The following WNK1 variants were observed in gnomAD, a reference collection of about 807,000 sequenced individuals.
WNK1 encodes WNK lysine deficient protein kinase 1, also known as serine/threonine-protein kinase WNK1.
A neutral mutation model predicts 222.8 loss-of-function variants in WNK1; 38 were observed. The observed-to-expected ratio is 0.17, with a 90% CI of 0.13 to 0.22. The LOEUF (loss-of-function observed/expected upper bound fraction) is 0.22, where lower values mean the gene tolerates loss of function less well. WNK1 is among the 10% of genes least tolerant of loss of function. The pLI, the probability that WNK1 is intolerant of heterozygous loss-of-function variation, is 1.00. For missense variants in WNK1, 2,348 were observed against 2,918.4 expected, an observed-to-expected ratio of 0.80 and a Z score of 4.50; for synonymous variants, 1,090 against 1,092.9, an observed-to-expected ratio of 1.00 and a Z score of 0.05.
chr12:891,890 T>C (rs955315028), intron 22 of WNK1, among the ~76,000 whole-genome samples: 5 of 151,804 alleles, frequency 3.3e-5, no homozygotes, highest in African/African-American at 7.2e-5. Flanking sequence ...GTTTTGCCAC[T>C]GCACTCCATC....
At chr12:792,308 C>CTTTT (rs35838951) in intron 1 of WNK1, among the ~76,000 whole-genome samples, 9 of 89,076 alleles carry the variant, frequency 1.0e-4, no homozygotes, top group African/African-American at 1.6e-4. Context: ...TACTGTTATT[C>CTTTT]TTTTTTTTTT....
chr12:835,492 G>T (rs1028611348), intron 4 of WNK1, among the ~76,000 whole-genome samples: 2 of 152,142 alleles, frequency 1.3e-5, no homozygotes, highest in Admixed American at 1.3e-4. Flanking sequence ...AATTTTACTT[G>T]GTGTATTTTC....
Position 762,475 on chromosome 12 carries a change from G to T in WNK1, c.759+8151G>T, listed in dbSNP as rs76549252. Among the ~76,000 whole-genome samples, 132 of 147,584 alleles carry T rather than the reference G, an allele frequency of 8.9e-4. 7 individuals are homozygous for T. The East Asian group carries it at 0.022, about 25-fold the overall frequency. ...TTTTTTATTATTGTGTTTTGTTATT[G>T]TTTTTTCCCCCAATATTTTCATCTG... On this transcript the variant is annotated intron_variant, in intron 1 of 27. Coordinates refer to ENST00000315939, the MANE Select transcript of WNK1 (RefSeq NM_018979.4).
chr12:880,131 A>G lies in WNK1; in HGVS notation c.2832+100A>G. 6 of 1,166,662 alleles carry G rather than the reference A, an allele frequency of 5.1e-6. No individual in the cohort carries two copies. In the South Asian group the frequency reaches 7.8e-5, roughly 15 times the overall value. 72.3% of individuals were successfully genotyped at this position (1,166,662 alleles called of 1,614,324 possible). ...TAGTTGAGTGTCAGAATAACTAGCA[A>G]TAACATGTCAACTAGAGAAGCAAAA... On this transcript the variant is annotated intron_variant, in intron 11 of 27. Coordinates refer to ENST00000315939, the MANE Select transcript of WNK1 (RefSeq NM_018979.4).
In WNK1 at chr12:885,486, T is replaced by C. The variant is rs1421699446; in HGVS notation, c.4682T>C (p.Ile1561Thr). The C allele has an allele frequency of 6.2e-7, 1 of 1,613,954 alleles. No homozygotes were observed. The highest frequency in any genetic ancestry group is 8.5e-7 in the Non-Finnish European group (1 of 1,180,034). The change falls in exon 19 of 28, where the codon ATT (isoleucine) becomes ACT (threonine). Residue 1561 changes from isoleucine (I) to threonine (T), a missense_variant. Physicochemically the swap from Ile to Thr is moderately conservative, Grantham distance 89 (BLOSUM62 -1). This residue lies in a region of WNK1 where 1,144 missense variants were observed against 1,273.6 expected (regional missense o/e 0.90). Transcript: ENST00000315939. ...CCTGGAGCAGGAGTGTCTAGTTATATTTCTCAGCCTGGTGGGCTGCATCCT... is the reference window on the plus strand; with the variant it reads ...CCTGGAGCAGGAGTGTCTAGTTATACTTCTCAGCCTGGTGGGCTGCATCCT... ...SSPGAGVSSYISQPGGLHPLV... is the reference protein window; with the variant it reads ...SSPGAGVSSYTSQPGGLHPLV...
At chr12:823,100 G>A (rs939416298) in intron 2 of WNK1, among the ~76,000 whole-genome samples, 3 of 152,032 alleles carry the variant, frequency 2.0e-5, no homozygotes, top group Non-Finnish European at 4.4e-5. Flanking sequence ...CTTTAAATAT[G>A]TCATCCCACT....
chr12:854,924 A>G (rs1249815686), intron 4 of WNK1, among the ~76,000 whole-genome samples: 1 of 152,212 alleles, frequency 6.6e-6, no homozygotes, highest in Non-Finnish European at 1.5e-5. Context: ...GATAATAATG[A>G]CAGGGAAAAG....
At chr12:908,079 G>T (rs1490937387) in intron 27 of WNK1, 45 bp downstream of exon 27, 2 of 1,605,710 alleles carry the variant, frequency 1.2e-6, no homozygotes, top group Non-Finnish European at 1.7e-6. Context: ...ACACATCTGA[G>T]TCAAGGTGAT....
chr12:801,151 G>A (rs978731568), intron 1 of WNK1, among the ~76,000 whole-genome samples: 1 of 152,138 alleles, frequency 6.6e-6, no homozygotes, highest in Non-Finnish European at 1.5e-5. Flanking sequence ...CTTGAGTTAT[G>A]TTAATGGAAT....
At chr12:892,035 C>CTT (rs34947524) in intron 22 of WNK1, among the ~76,000 whole-genome samples, 1 of 135,954 alleles carries the variant, frequency 7.4e-6, no homozygotes, top group African/African-American at 2.7e-5. Flanking sequence ...TTATAACTAA[C>CTT]TTTTTTTTTT....
At chr12:868,283 G>C (rs1209154019) in intron 8 of WNK1, 1 of 1,605,024 alleles carries the variant, frequency 6.2e-7, no homozygotes, top group South Asian at 1.1e-5. Flanking sequence ...AGTGTATGTA[G>C]CTGGGGTACA....
chr12:843,853 A>G (rs1949812628), intron 4 of WNK1, among the ~76,000 whole-genome samples: 1 of 152,198 alleles, frequency 6.6e-6, no homozygotes, highest in Non-Finnish European at 1.5e-5. Context: ...GGTGATTCAT[A>G]TGTACATTAA....
chr12:876,235 C>T (rs917936207), intron 9 of WNK1, among the ~76,000 whole-genome samples: 1 of 152,036 alleles, frequency 6.6e-6, no homozygotes, highest in African/African-American at 2.4e-5. Context: ...TGGTGAAAAC[C>T]CGTCTCTACT....
chr12:893,823 A>AAATTAAT (rs1954496966), intron 22 of WNK1, among the ~76,000 whole-genome samples: 1 of 143,788 alleles, frequency 7.0e-6, no homozygotes, highest in African/African-American at 2.6e-5. Context: ...ACTCCATCTC[A>AAATTAAT]AATAATAATA....
At chr12:843,937 T>C (rs1178882741) in intron 4 of WNK1, among the ~76,000 whole-genome samples, 1 of 152,214 alleles carries the variant, frequency 6.6e-6, no homozygotes, top group Non-Finnish European at 1.5e-5. Flanking sequence ...ATTTGGTTAA[T>C]TAAATAAAAA....
chr12:866,110 T>A (rs7305099), intron 8 of WNK1, among the ~76,000 whole-genome samples: 30 of 151,982 alleles, frequency 2.0e-4, no homozygotes, highest in Non-Finnish European at 3.1e-4. Flanking sequence ...CTTTCTGAAC[T>A]AGCAACCCCA....
chr12:819,840 G>A (rs1332085478), intron 2 of WNK1, among the ~76,000 whole-genome samples: 2 of 152,096 alleles, frequency 1.3e-5, no homozygotes, highest in Non-Finnish European at 2.9e-5. Flanking sequence ...CTATTGAATG[G>A]TCTTGGTACT....
chr12:903,376 G>A (rs572025724), intron 26 of WNK1, among the ~76,000 whole-genome samples: 1 of 152,116 alleles, frequency 6.6e-6, no homozygotes, highest in South Asian at 2.1e-4. Context: ...TTCCTGGACT[G>A]TGCATATTAG....
rs66559822 is a variant in WNK1 at position 904,788 on chromosome 12, A to G, written c.6644-3059A>G. Among the ~76,000 whole-genome samples the G allele has an allele frequency of 5.2e-3, 793 of 152,242 alleles. No homozygotes were observed. Among genetic ancestry groups the G allele is most frequent in the Non-Finnish European group, 9.2e-3 (625 of 68,024 alleles). On this transcript the variant is annotated intron_variant, in intron 26 of 27. Coordinates refer to ENST00000315939, the MANE Select transcript of WNK1 (RefSeq NM_018979.4). Reference sequence around the variant, plus strand: ...GGGAGAGCGATCCTTTGGTCAGCAAATATGTGCCGGGCAGTGTTATTACCC... The same window carrying G: ...GGGAGAGCGATCCTTTGGTCAGCAAGTATGTGCCGGGCAGTGTTATTACCC...
Sources: allele counts gnomAD v4.1 joint callset (sites outside exome capture counted in the v4.1 genomes callset), GRCh38; gene constraint gnomAD v4.1.1; regional missense constraint gnomAD v4.1.1; transcripts MANE v1.5; gene names NCBI Gene and HGNC (gene_info 2026-07-23, HGNC 2026-07-21).